POU6F2: variants seen among roughly 807,000 people sequenced by gnomAD.
POU6F2 encodes the protein POU domain, class 6, transcription factor 2.
In POU6F2, 31 loss-of-function variants were observed where a neutral mutation model predicts 71.3. The ratio of observed to expected loss-of-function variants is 0.43; its 90% confidence interval spans 0.33 to 0.59. POU6F2 has a LOEUF of 0.59. Among genes scored for constraint, POU6F2 ranks in the 20% least tolerant of loss-of-function variants. The pLI is 0.04. For missense variants in POU6F2, 783 were observed against 856.8 expected, an observed-to-expected ratio of 0.91 and a Z score of 1.07; for synonymous variants, 347 against 355.7, an observed-to-expected ratio of 0.98 and a Z score of 0.27.
intron 1 of POU6F2, among the ~76,000 whole-genome samples, chr7:39,048,556 A>C (rs905451634): frequency 6.6e-6 from 1 of 151,900 alleles, no homozygotes; most frequent in Non-Finnish European, 1.5e-5. Flanking sequence ...CATGGTGTAT[A>C]TGTACCGTGT....
intron 4 of POU6F2, among the ~76,000 whole-genome samples, chr7:39,338,447 A>G (rs537604267): frequency 4.6e-5 from 7 of 152,266 alleles, no homozygotes; most frequent in African/African-American, 1.7e-4. Flanking sequence ...GGCAGGCCAC[A>G]CACTGGACTG....
At chr7:39,319,743 C>G (rs1477658387) in intron 4 of POU6F2, among the ~76,000 whole-genome samples, 2 of 152,198 alleles carry the variant, frequency 1.3e-5, no homozygotes, top group Non-Finnish European at 2.9e-5. Flanking sequence ...TGATGTGACT[C>G]CCTACTGCAG....
chr7:39,012,012 T>A (rs1282650928), intron 1 of POU6F2, among the ~76,000 whole-genome samples: 2 of 152,174 alleles, frequency 1.3e-5, no homozygotes, highest in African/African-American at 4.8e-5. Context: ...TTGGAGTTGC[T>A]CTTCTCGAGG....
intron 6 of POU6F2, among the ~76,000 whole-genome samples, chr7:39,412,684 T>C (rs892213819): frequency 6.7e-6 from 1 of 148,966 alleles, no homozygotes; most frequent in African/African-American, 2.5e-5. Flanking sequence ...GTTAAATGTA[T>C]AGAAAATAAT....
At chr7:39,189,716 G>C (rs894970423) in intron 2 of POU6F2, among the ~76,000 whole-genome samples, 3 of 151,398 alleles carry the variant, frequency 2.0e-5, no homozygotes, top group Non-Finnish European at 4.4e-5. Flanking sequence ...TTTTAAATTG[G>C]CTTCATTTTT....
chr7:39,164,269 A>AT (rs930045285), intron 2 of POU6F2, among the ~76,000 whole-genome samples: 278 of 147,030 alleles, frequency 1.9e-3, no homozygotes, highest in African/African-American at 4.6e-3. Flanking sequence ...TAAACCATCG[A>AT]TTTTTTTTTT....
At chr7:39,388,732 C>A (rs1172620708) in intron 5 of POU6F2, among the ~76,000 whole-genome samples, 2 of 152,174 alleles carry the variant, frequency 1.3e-5, no homozygotes, top group Non-Finnish European at 2.9e-5. Context: ...AGAGAAAAGT[C>A]TTTATTTTGC....
chr7:39,070,295 T>C (rs571340776), intron 1 of POU6F2, among the ~76,000 whole-genome samples: 7 of 152,310 alleles, frequency 4.6e-5, no homozygotes, highest in African/African-American at 1.4e-4. Flanking sequence ...ATAACAGCTT[T>C]TTTATGGCCC....
At chr7:39,326,687 G>T (rs1785510289) in intron 4 of POU6F2, among the ~76,000 whole-genome samples, 1 of 152,224 alleles carries the variant, frequency 6.6e-6, no homozygotes, top group Non-Finnish European at 1.5e-5. Context: ...TTGTCTTAAA[G>T]AAGATCTTGT....
intron 9 of POU6F2, among the ~76,000 whole-genome samples, chr7:39,463,411 C>T (rs1788992633): frequency 6.6e-6 from 1 of 152,196 alleles, no homozygotes; most frequent in Admixed American, 6.5e-5. Flanking sequence ...TACACCATTA[C>T]ACCGGCTGGT....
intron 1 of POU6F2, among the ~76,000 whole-genome samples, chr7:38,997,961 A>G (rs1388026949): frequency 6.6e-6 from 1 of 152,214 alleles, no homozygotes; most frequent in Admixed American, 6.5e-5. Context: ...AAGAGTCCTG[A>G]GTCCTGTTCT....
intron 1 of POU6F2, among the ~76,000 whole-genome samples, chr7:38,986,309 T>A (rs780873886): frequency 1.3e-5 from 2 of 152,234 alleles, no homozygotes; most frequent in Non-Finnish European, 2.9e-5. Context: ...CGCTCCCACC[T>A]CAGCCTCCTG....
intron 4 of POU6F2, among the ~76,000 whole-genome samples, chr7:39,306,684 A>C (rs918649705): frequency 6.6e-6 from 1 of 152,186 alleles, no homozygotes; most frequent in Non-Finnish European, 1.5e-5. Flanking sequence ...AATTCAGAAA[A>C]AGTGGCCAGG....
In POU6F2 at chr7:39,464,429, AAG is replaced by A; in HGVS notation, c.1907_1908del (p.Lys636ThrfsTer13). On this transcript the variant is annotated frameshift_variant, in exon 10 of 10. Coordinates refer to ENST00000518318, the MANE Select transcript of POU6F2 (RefSeq NM_001370959.1). LOFTEE classifies it high-confidence loss of function. The surrounding 1 kb of genome is among the most constrained non-coding windows in gnomAD (Gnocchi z 4.1). ...TEFIGSEPSKKRKRRTSFTPQ... is the reference protein window; with the variant it reads ...TEFIGSEPSKXRKRRTSFTPQ... ...GTTTATCGGGAGTGAACCATCCAAA[AAG>A]CGCAAGCGGCGCACCTCCTTCACAC... 6.2e-7 allele frequency: 1 copy of A among 1,613,944 alleles called. No individual in the cohort carries two copies. The highest frequency in any genetic ancestry group is 2.2e-5 in the East Asian group (1 of 44,864).
At chr7:39,283,460 T>C (rs368934862) in intron 4 of POU6F2, among the ~76,000 whole-genome samples, 2 of 152,172 alleles carry the variant, frequency 1.3e-5, no homozygotes, top group Admixed American at 6.5e-5. Flanking sequence ...ACAACCACCA[T>C]TCTACTTTCT....
At chr7:39,076,162 T>C (rs1438157887) in intron 1 of POU6F2, among the ~76,000 whole-genome samples, 1 of 151,994 alleles carries the variant, frequency 6.6e-6, no homozygotes, top group Non-Finnish European at 1.5e-5. Flanking sequence ...TTTCCTTTCC[T>C]TTCTCCCTTT....
chr7:39,422,643 T>C (rs947011608), intron 6 of POU6F2, among the ~76,000 whole-genome samples: 7 of 152,186 alleles, frequency 4.6e-5, no homozygotes, highest in Admixed American at 4.6e-4. Context: ...GTGCGGCCAC[T>C]GAGGAGGAGA....
intron 2 of POU6F2, among the ~76,000 whole-genome samples, chr7:39,173,944 T>G (rs1301966206): frequency 2.6e-5 from 4 of 152,230 alleles, no homozygotes; most frequent in African/African-American, 9.6e-5. Context: ...CTTCTCAACT[T>G]CTAATATTCC....
chr7:39,095,246 C>T (rs546897033), intron 2 of POU6F2, among the ~76,000 whole-genome samples: 3 of 152,136 alleles, frequency 2.0e-5, no homozygotes, highest in Non-Finnish European at 2.9e-5. Flanking sequence ...AAGCCTTACC[C>T]AAGAAATTGC....
Sources: gnomAD v4.1 joint callset for allele counts (sites outside exome capture counted in the v4.1 genomes callset) on GRCh38, gnomAD v4.1.1 for gene constraint, Gnocchi (gnomAD v3.1) non-coding constraint, MANE v1.5 for transcripts, NCBI Gene and HGNC (gene_info 2026-07-23, HGNC 2026-07-21) for gene names.